The following POGLUT2 variants were observed in gnomAD, a reference collection of about 807,000 sequenced individuals.
POGLUT2 encodes ER protein 58.
Under a neutral mutation model 57.6 loss-of-function variants are expected in POGLUT2, and 47 were observed. The ratio of observed to expected loss-of-function variants is 0.82; its 90% CI spans 0.65 to 1.04. POGLUT2 has a LOEUF of 1.04. Ranked by LOEUF, POGLUT2 falls within the 50% of genes least tolerant of loss-of-function variation. POGLUT2 has a pLI of 0.00. For missense variants in POGLUT2, 565 were observed against 614.8 expected, an observed-to-expected ratio of 0.92 and a Z score of 0.86; for synonymous variants, 200 against 218.8, an observed-to-expected ratio of 0.91 and a Z score of 0.76.
chr13:102,794,302 G>A (rs1213273408), intron 2 of POGLUT2, among the ~76,000 whole-genome samples: 1 of 152,094 alleles, frequency 6.6e-6, no homozygotes, highest in Non-Finnish European at 1.5e-5. Flanking sequence ...TACTCTGACA[G>A]CTCTTCACAG....
chr13:102,788,251 C>T (rs1242786205), intron 7 of POGLUT2, among the ~76,000 whole-genome samples: 2 of 152,322 alleles, frequency 1.3e-5, no homozygotes, highest in Admixed American at 1.3e-4. Context: ...TTTCAGGAGA[C>T]AATTAGCTTA....
chr13:102,788,948 T>C (rs1878060846), intron 7 of POGLUT2, 64 bp downstream of exon 7: 1 of 1,369,590 alleles, frequency 7.3e-7, no homozygotes, highest in African/African-American at 1.4e-5. Flanking sequence ...GTACAATACA[T>C]TTCAAAAGGA....
chr13:102,785,159 T>C (rs1877889560), intron 9 of POGLUT2, among the ~76,000 whole-genome samples: 1 of 152,216 alleles, frequency 6.6e-6, no homozygotes, highest in South Asian at 2.1e-4. Flanking sequence ...AAAATTCTGA[T>C]TTGTAGCATG....
intron 2 of POGLUT2, among the ~76,000 whole-genome samples, chr13:102,796,519 A>T (rs889215686): frequency 8.6e-5 from 13 of 150,954 alleles, no homozygotes; most frequent in African/African-American, 3.1e-4. Context: ...GCATGAACAC[A>T]GCTTGATTAT....
chr13:102,797,122 A>G, intron 1 of POGLUT2, 113 bp from the exon 2 acceptor site: 1 of 672,044 alleles, frequency 1.5e-6, no homozygotes, highest in Non-Finnish European at 2.6e-6. Flanking sequence ...TTCCTCTAAC[A>G]TATGATTGCT....
intron 9 of POGLUT2, among the ~76,000 whole-genome samples, chr13:102,785,249 A>G (rs2139077722): frequency 6.6e-6 from 1 of 152,304 alleles, no homozygotes; most frequent in East Asian, 1.9e-4. Flanking sequence ...AAAATTCCTG[A>G]ATATTTATCA....
chr13:102,789,327 T>C (rs1297030981), intron 6 of POGLUT2, 106 bp from the exon 7 acceptor site: 1 of 931,580 alleles, frequency 1.1e-6, no homozygotes, highest in African/African-American at 1.7e-5. Context: ...CAGACACAAT[T>C]TGGTCAGCTT....
At chr13:102,792,952 T>A (rs891041300) in intron 4 of POGLUT2, among the ~76,000 whole-genome samples, 3 of 152,150 alleles carry the variant, frequency 2.0e-5, no homozygotes, top group Non-Finnish European at 2.9e-5. Context: ...ATTTTTGTAT[T>A]TTTTGTAGAG....
Position 102,789,304 on chromosome 13 carries a change from C to T in POGLUT2, c.1084-83G>A, listed in dbSNP as rs951151005. 3 of 1,137,896 alleles carry T rather than the reference C, an allele frequency of 2.6e-6. No individual in the cohort carries two copies. In the African/African-American group the frequency reaches 4.6e-5, roughly 18 times the overall value. The allele number at this position is 1,137,896 out of a possible 1,614,324, so 70.5% of individuals were successfully genotyped here. ...TTCTCCTTCCCATCCCACACATAAA[C>T]CTTTGCAATCCTCAGACACAATTTG... On this transcript the variant is annotated intron_variant, in intron 6 of 9. Transcript: ENST00000376004.
rs903800194 is a variant in POGLUT2 at position 102,793,912 on chromosome 13, TAGGAAGA to T, written c.389-113_389-107del. Reference sequence around the variant, plus strand: ...GCTTCATGAATTTTGCTTAGTTACATAGGAAGAGCATTTTCATTGAAAACACATTTTA... The same window carrying T: ...GCTTCATGAATTTTGCTTAGTTACATGCATTTTCATTGAAAACACATTTTA... On this transcript the variant is annotated intron_variant, in intron 2 of 9. Coordinates refer to ENST00000376004, the MANE Select transcript of POGLUT2 (RefSeq NM_024089.3). The T allele has an allele frequency of 6.4e-5, 61 of 948,016 alleles. No homozygotes were observed. In the African/African-American group the frequency reaches 9.5e-4, roughly 15 times the overall value. The allele number at this position is 948,016 out of a possible 1,614,324, so 58.7% of individuals were successfully genotyped here. A position where few individuals can be genotyped will look rare whatever the true frequency, so the allele number is the denominator to read the frequency against.
intron 4 of POGLUT2, among the ~76,000 whole-genome samples, chr13:102,791,780 T>G (rs1016940623): frequency 1.3e-5 from 2 of 152,184 alleles, no homozygotes; most frequent in Non-Finnish European, 2.9e-5. Flanking sequence ...GGTTCCATTT[T>G]AAAAAACATA....
In POGLUT2 at chr13:102,798,968, G is replaced by A. The variant is rs532182100; in HGVS notation, c.-298C>T. The A allele has an allele frequency of 2.9e-5, 12 of 411,194 alleles. No homozygotes were observed. Among genetic ancestry groups the A allele is most frequent in the East Asian group, 1.4e-4 (4 of 28,168 alleles). 25.5% of individuals were successfully genotyped at this position (411,194 alleles called of 1,614,324 possible). A position where few individuals can be genotyped will look rare whatever the true frequency, so the allele number is the denominator to read the frequency against. ...AACTTGAGTTGCTCCTGCCACTGGA[G>A]CATCATTTGGGAGCGAATCCGTCTC... On this transcript the variant is annotated 5_prime_UTR_variant, in exon 1 of 10. Coordinates refer to ENST00000376004, the MANE Select transcript of POGLUT2 (RefSeq NM_024089.3).
intron 7 of POGLUT2, 81 bp from the exon 8 acceptor site, chr13:102,788,004 T>C (rs1009147991): frequency 1.4e-6 from 1 of 731,474 alleles, no homozygotes; most frequent in Non-Finnish European, 2.3e-6. Context: ...CTTCAGAGTA[T>C]GTATACATTG....
At chr13:102,787,608 C>A (rs902055827) in intron 8 of POGLUT2, among the ~76,000 whole-genome samples, 2 of 152,192 alleles carry the variant, frequency 1.3e-5, no homozygotes, top group Admixed American at 6.5e-5. Flanking sequence ...TCACATAGTT[C>A]TAATATTAAT....
Position 102,793,612 on chromosome 13 carries a change from T to C in POGLUT2, c.583A>G (p.Lys195Glu). 1 of 1,613,146 alleles carries C rather than the reference T, an allele frequency of 6.2e-7. No individual in the cohort carries two copies. Among genetic ancestry groups the C allele is most frequent in the Non-Finnish European group, 8.5e-7 (1 of 1,179,194 alleles). ...ATCATGTGTTGTACCTTGTTATCCT[T>C]TAAGGTGTAGTGACATAGGCTCTGC... ...QRQSLCHYTL[K>E]DNKVYIKTHG... The change falls in exon 3 of 10, where the codon AAG becomes GAG. Residue 195 changes from lysine (K) to glutamate (E), a missense_variant. By Grantham distance (56) the Lys-to-Glu change is moderately conservative (BLOSUM62 1). Coordinates refer to ENST00000376004, the MANE Select transcript of POGLUT2 (RefSeq NM_024089.3).
At chr13:102,791,676 T>C (rs1878186184) in intron 4 of POGLUT2, among the ~76,000 whole-genome samples, 1 of 152,184 alleles carries the variant, frequency 6.6e-6, no homozygotes. Flanking sequence ...GCGAACAGCC[T>C]CTAAGATGAT....
chr13:102,785,884 C>A (rs536315318), intron 9 of POGLUT2, among the ~76,000 whole-genome samples: 131 of 152,274 alleles, frequency 8.6e-4, no homozygotes, highest in African/African-American at 3.1e-3. Flanking sequence ...ATGAACTTTG[C>A]CAAACTTATC....
chr13:102,793,486 T>C (rs1878261880), intron 3 of POGLUT2, 68 bp from the exon 4 acceptor site: 5 of 1,301,738 alleles, frequency 3.8e-6, no homozygotes, highest in Middle Eastern at 2.0e-4. Context: ...AGGAAAAGCT[T>C]GTCACAGTGC....
chr13:102,785,892 A>G (rs1383766205), intron 9 of POGLUT2, among the ~76,000 whole-genome samples: 2 of 152,216 alleles, frequency 1.3e-5, no homozygotes, highest in Non-Finnish European at 2.9e-5. Flanking sequence ...TGCCAAACTT[A>G]TCTCATGAGG....
Sources: gnomAD v4.1 joint callset for allele counts (sites outside exome capture counted in the v4.1 genomes callset) on GRCh38, gnomAD v4.1.1 for gene constraint, MANE v1.5 for transcripts, NCBI Gene and HGNC (gene_info 2026-07-23, HGNC 2026-07-21) for gene names.